The following MAP3K15 variants were observed in gnomAD, a reference collection of about 807,000 sequenced individuals.
The protein encoded by MAP3K15 is mitogen-activated protein kinase kinase kinase 15.
In MAP3K15, 124 loss-of-function variants were observed where a neutral mutation model predicts 99.5. That is an observed-to-expected ratio of 1.25 (90% CI 1.08 to 1.45). MAP3K15 has a LOEUF of 1.45. MAP3K15 is among the 40% of genes most tolerant of loss of function. MAP3K15 has a pLI of 0.00. For missense variants in MAP3K15, 1,242 were observed against 1,079.7 expected, an observed-to-expected ratio of 1.15 and a Z score of -2.11; for synonymous variants, 494 against 439.6, an observed-to-expected ratio of 1.12 and a Z score of -1.55.
chrX:19,487,109 C>A (rs1222171313), intron 2 of MAP3K15, among the ~76,000 whole-genome samples: 1 of 83,042 alleles, frequency 1.2e-5, no homozygotes, highest in African/African-American at 5.1e-5. Context: ...GTCTCATTTA[C>A]GCACCAACAT....
At chrX:19,394,890 C>T (rs937433614) in intron 16 of MAP3K15, among the ~76,000 whole-genome samples, 191 bp downstream of exon 16, 13 of 89,992 alleles carry the variant, frequency 1.4e-4, no homozygotes, top group African/African-American at 5.5e-4. Context: ...GTGCTGTGAT[C>T]ATGGCTCACT....
chrX:19,423,763 G>C (rs1272011431), intron 9 of MAP3K15, among the ~76,000 whole-genome samples: 3 of 111,406 alleles, frequency 2.7e-5, no homozygotes, highest in Non-Finnish European at 5.7e-5. Context: ...GTTTATCTGG[G>C]ACCTTGGGCC....
At chrX:19,505,669 G>T (rs2064471429) in intron 1 of MAP3K15, among the ~76,000 whole-genome samples, 1 of 111,252 alleles carries the variant, frequency 9.0e-6, no homozygotes. Context: ...TAGTAAGGAT[G>T]AGTCTACATA....
At chrX:19,404,892 A>G (rs757046019) in intron 13 of MAP3K15, among the ~76,000 whole-genome samples, 2 of 112,255 alleles carry the variant, frequency 1.8e-5, no homozygotes, top group African/African-American at 3.2e-5. Flanking sequence ...ACCTAAACAT[A>G]TAAAAGTTAA....
At chrX:19,440,186 G>A (rs984984016) in intron 6 of MAP3K15, among the ~76,000 whole-genome samples, 4 of 112,123 alleles carry the variant, frequency 3.6e-5, no homozygotes, top group Admixed American at 1.9e-4. Context: ...CCAGCCAAGC[G>A]GGTGACAGCA....
Position 19,376,113 on chromosome X carries a change from T to A in MAP3K15, c.2590-1453A>T, listed in dbSNP as rs747205138. 7.2e-5 allele frequency among the ~76,000 whole-genome samples: 8 copies of A among 111,803 alleles called. No individual in the cohort carries two copies. The South Asian group carries it at 3.0e-3, about 42-fold the overall frequency. On this transcript the variant is annotated intron_variant, in intron 19 of 28. Transcript: ENST00000338883. ...TGACACCCGGCTGGGATGTCCTCTT[T>A]AAGGGTGCTTTGCCGTGACCCAAAA...
intron 9 of MAP3K15, among the ~76,000 whole-genome samples, chrX:19,420,009 A>C (rs2063769474): frequency 8.9e-6 from 1 of 112,065 alleles, no homozygotes; most frequent in Non-Finnish European, 1.9e-5. Context: ...AAGACACAAC[A>C]TACCAGAATC....
At chrX:19,456,725 T>C (rs1290033101) in intron 6 of MAP3K15, among the ~76,000 whole-genome samples, 188 bp downstream of exon 6, 2 of 111,920 alleles carry the variant, frequency 1.8e-5, no homozygotes, top group African/African-American at 6.5e-5. Context: ...GATTGATGTG[T>C]TCAATCTCAC....
At chrX:19,400,713 T>C (rs1487014960) in intron 13 of MAP3K15, 50 bp from the exon 14 acceptor site, 2 of 851,800 alleles carry the variant, frequency 2.3e-6, no homozygotes, top group Non-Finnish European at 1.7e-6. Flanking sequence ...ACTGCTCTCA[T>C]TCCTTGTTTT....
At chrX:19,376,968 T>A (rs946667562) in intron 19 of MAP3K15, 4 of 111,938 alleles carry the variant, frequency 3.6e-5, no homozygotes, top group Admixed American at 2.8e-4. Flanking sequence ...CCATTTTCAT[T>A]TGATTTTCTT....
At position 19,381,229 on chromosome X, in the gene MAP3K15, G is replaced by A. The variant is rs371908816; in HGVS notation, c.2432-952C>T. 4.0e-3 allele frequency among the ~76,000 whole-genome samples: 449 copies of A among 112,165 alleles called. 4 individuals carry two copies. The highest frequency in any genetic ancestry group is 0.014 in the African/African-American group (422 of 30,894). On this transcript the variant is annotated intron_variant, in intron 18 of 28. Transcript: ENST00000338883. ...CATATGAGAGATTTATTGGGGAGAA[G>A]GTCTCTGAAGGACAAAGCGGGAGGG... is the stretch of plus-strand genomic sequence containing the variant.
chrX:19,428,451 C>T (rs1451972205), intron 7 of MAP3K15, among the ~76,000 whole-genome samples: 2 of 111,431 alleles, frequency 1.8e-5, no homozygotes, highest in East Asian at 2.8e-4. Flanking sequence ...TCCTCTCCAC[C>T]ACATGGTGCA....
At chrX:19,375,407 G>A (rs1296017169) in intron 19 of MAP3K15, among the ~76,000 whole-genome samples, 1 of 111,841 alleles carries the variant, frequency 8.9e-6, no homozygotes, top group Non-Finnish European at 1.9e-5. Context: ...GGCTGCCAAT[G>A]TATAGACAGG....
At chrX:19,502,757 G>A (rs1228308613) in intron 1 of MAP3K15, among the ~76,000 whole-genome samples, 1 of 112,183 alleles carries the variant, frequency 8.9e-6, no homozygotes, top group Non-Finnish European at 1.9e-5. Flanking sequence ...GGAAAGTGGA[G>A]GTTGCGGCGA....
intron 1 of MAP3K15, among the ~76,000 whole-genome samples, chrX:19,507,276 T>C (rs16981204): frequency 0.024 from 2,695 of 111,071 alleles, 68 homozygotes; most frequent in African/African-American, 0.073. Context: ...GGAGGATAGT[T>C]TCCACAGTCA....
intron 7 of MAP3K15, among the ~76,000 whole-genome samples, chrX:19,427,130 T>C (rs1043354071): frequency 1.9e-5 from 2 of 105,101 alleles, no homozygotes; most frequent in Admixed American, 2.0e-4. Context: ...TGTGCCATCA[T>C]GCACACACCT....
chrX:19,436,774 C>T (rs1177973978), intron 6 of MAP3K15, among the ~76,000 whole-genome samples: 1 of 111,638 alleles, frequency 9.0e-6, no homozygotes, highest in Non-Finnish European at 1.9e-5. Context: ...AACTCACAGG[C>T]TGAAGCGACT....
intron 25 of MAP3K15, among the ~76,000 whole-genome samples, chrX:19,367,820 C>T (rs2063346771): frequency 1.1e-5 from 1 of 92,714 alleles, no homozygotes. Context: ...ACGATCTCGG[C>T]TCACTGCAAC....
intron 18 of MAP3K15, among the ~76,000 whole-genome samples, chrX:19,388,636 C>T (rs962623447): frequency 3.6e-5 from 4 of 111,999 alleles, no homozygotes; most frequent in African/African-American, 6.5e-5. Flanking sequence ...GTACAACGAG[C>T]ATTTCTATTT....
Sources: gnomAD v4.1 joint callset for allele counts (sites outside exome capture counted in the v4.1 genomes callset) on GRCh38, gnomAD v4.1.1 for gene constraint, MANE v1.5 for transcripts, NCBI Gene and HGNC (gene_info 2026-07-23, HGNC 2026-07-21) for gene names.